Variants in SEMA6A observed in about 807,000 individuals in gnomAD.
SEMA6A encodes semaphorin 6A.
Under a neutral mutation model 96.8 loss-of-function variants are expected in SEMA6A, and 25 were observed. The ratio of observed to expected loss-of-function variants is 0.26; its 90% CI spans 0.19 to 0.36. The LOEUF is 0.36. Among genes scored for constraint, SEMA6A ranks in the 10% least tolerant of loss-of-function variants. The pLI is 1.00. For synonymous variants in SEMA6A, 612 were observed against 518.0 expected (o/e 1.18, Z -2.46); for missense variants, 1,363 against 1,323.1 (o/e 1.03, Z -0.47).
At chr5:116,494,695 A>C (rs1757496176) in intron 6 of SEMA6A, among the ~76,000 whole-genome samples, 1 of 152,190 alleles carries the variant, frequency 6.6e-6, no homozygotes, top group Non-Finnish European at 1.5e-5. Context: ...TTACAACCTC[A>C]GCGATGGGCC....
chr5:116,486,759 G>A lies in SEMA6A; in HGVS notation c.952C>T (p.Pro318Ser), dbSNP rs1183446004. Reference protein sequence around the residue: ...RDVVLATFSTPYNSIPGSAVC... With the variant: ...RDVVLATFSTSYNSIPGSAVC... Reference sequence around the variant, plus strand: ...CTAGGGCATGATTACCTGTTATAAGGTGTAGAAAACGTTGCCAGGACAACA... The same window carrying A: ...CTAGGGCATGATTACCTGTTATAAGATGTAGAAAACGTTGCCAGGACAACA... The change falls in exon 10 of 19, where the codon CCT becomes TCT. Residue 318 changes from proline to serine, a missense_variant. Physicochemically the swap from Pro to Ser is moderately conservative, Grantham distance 74. Coordinates refer to ENST00000343348, the MANE Select transcript of SEMA6A (RefSeq NM_020796.5). 2 of 1,613,296 alleles carry A rather than the reference G, an allele frequency of 1.2e-6. No individual in the cohort carries two copies. Among genetic ancestry groups the A allele is most frequent in the South Asian group, 1.1e-5 (1 of 91,076 alleles).
intron 1 of SEMA6A, among the ~76,000 whole-genome samples, chr5:116,558,401 G>C (rs1760687722): frequency 6.6e-6 from 1 of 151,788 alleles, no homozygotes; most frequent in African/African-American, 2.4e-5. Flanking sequence ...CCATCATCTA[G>C]GTTTTAAGCC....
chr5:116,481,033 G>T (rs1039550115), intron 11 of SEMA6A, among the ~76,000 whole-genome samples: 4 of 152,096 alleles, frequency 2.6e-5, no homozygotes, highest in African/African-American at 9.7e-5. Context: ...CAGAAGAGGA[G>T]ATTGGACCCT....
At chr5:116,491,630 C>A in intron 7 of SEMA6A, 110 bp downstream of exon 7, 1 of 797,988 alleles carries the variant, frequency 1.3e-6, no homozygotes, top group African/African-American at 1.7e-5. Flanking sequence ...ACAGTATTCA[C>A]CAGAGAATCA....
At chr5:116,469,665 C>G (rs984707572) in intron 17 of SEMA6A, 1 of 152,164 alleles carries the variant, frequency 6.6e-6, no homozygotes, top group Admixed American at 6.6e-5. Context: ...TAACTGTGTT[C>G]AAGAGGCAAT....
At chr5:116,455,716 C>T (rs1754968739) in intron 18 of SEMA6A, among the ~76,000 whole-genome samples, 1 of 152,086 alleles carries the variant, frequency 6.6e-6, no homozygotes, top group South Asian at 2.1e-4. Flanking sequence ...CTAAATCTTC[C>T]AACTTGAATT....
chr5:116,475,699 T>C, intron 15 of SEMA6A, 96 bp from the exon 16 acceptor site: 1 of 818,316 alleles, frequency 1.2e-6, no homozygotes. Flanking sequence ...TAACACAGTT[T>C]GATAAATTGA....
At chr5:116,522,369 A>G (rs1233102307) in intron 1 of SEMA6A, among the ~76,000 whole-genome samples, 1 of 152,216 alleles carries the variant, frequency 6.6e-6, no homozygotes, top group Admixed American at 6.5e-5. Context: ...GAAAGAAAAA[A>G]GGATTTTTCC....
At chr5:116,570,215 A>C (rs1220292408) in intron 1 of SEMA6A, among the ~76,000 whole-genome samples, 1 of 152,216 alleles carries the variant, frequency 6.6e-6, no homozygotes, top group South Asian at 2.1e-4. Context: ...CCCAAGAGGC[A>C]ACCATGTGGT....
At chr5:116,472,003 C>G (rs560020416) in intron 17 of SEMA6A, among the ~76,000 whole-genome samples, 2 of 151,974 alleles carry the variant, frequency 1.3e-5, no homozygotes, top group Non-Finnish European at 2.9e-5. Flanking sequence ...GATTATATAT[C>G]TTAAACACAC....
intron 1 of SEMA6A, among the ~76,000 whole-genome samples, chr5:116,538,968 A>G (rs1251813965): frequency 6.6e-6 from 1 of 152,072 alleles, no homozygotes; most frequent in African/African-American, 2.4e-5. Flanking sequence ...AAATTATTGG[A>G]GTTGGCATAT....
intron 16 of SEMA6A, among the ~76,000 whole-genome samples, chr5:116,473,611 G>C (rs1756286606): frequency 6.6e-6 from 1 of 152,146 alleles, no homozygotes; most frequent in African/African-American, 2.4e-5. Flanking sequence ...AACATATCTG[G>C]GTGTGTGCTG....
In SEMA6A at chr5:116,467,691, C is replaced by T. The variant is rs753293167; in HGVS notation, c.1786G>A (p.Gly596Arg). 1.9e-6 allele frequency: 3 copies of T among 1,613,802 alleles called. No homozygotes were observed. Among genetic ancestry groups the T allele is most frequent in the Admixed American group, 1.7e-5 (1 of 59,990 alleles). Residue 596 changes from glycine to arginine, a missense_variant, in exon 18 of 19, where the codon GGG becomes AGG. By Grantham distance (125) the Gly-to-Arg change is moderately radical. Around this residue, in one of 2 missense-constraint regions of SEMA6A, gnomAD observed 883 missense variants for 763.6 expected, o/e 1.16. Coordinates refer to ENST00000343348, the MANE Select transcript of SEMA6A (RefSeq NM_020796.5). ...TTTSDSTAQEGYESRGGMLDW... is the reference protein window; with the variant it reads ...TTTSDSTAQERYESRGGMLDW... ...AGCATTCCTCCCCTAGACTCATACCCCTCTTGAGCCGTCGAATCTGATGTG... is the reference window on the plus strand; with the variant it reads ...AGCATTCCTCCCCTAGACTCATACCTCTCTTGAGCCGTCGAATCTGATGTG...
chr5:116,499,457 A>G (rs1373673981), intron 3 of SEMA6A, among the ~76,000 whole-genome samples: 1 of 152,154 alleles, frequency 6.6e-6, no homozygotes, highest in African/African-American at 2.4e-5. Flanking sequence ...TTTAGCTTTA[A>G]ATCGTGTTAC....
intron 10 of SEMA6A, among the ~76,000 whole-genome samples, chr5:116,483,738 T>G (rs946883236): frequency 3.3e-5 from 5 of 152,170 alleles, no homozygotes; most frequent in Non-Finnish European, 7.4e-5. Flanking sequence ...AATTTATACA[T>G]GTACATATGT....
chr5:116,454,813 T>G (rs1425335265), intron 18 of SEMA6A, among the ~76,000 whole-genome samples: 3 of 148,248 alleles, frequency 2.0e-5, no homozygotes, highest in African/African-American at 7.4e-5. Flanking sequence ...TGTGTGTGCA[T>G]GTGTGTGTGC....
chr5:116,467,481 G>C, intron 18 of SEMA6A, 102 bp downstream of exon 18: 1 of 1,168,970 alleles, frequency 8.6e-7, no homozygotes, highest in Non-Finnish European at 1.2e-6. Flanking sequence ...CGCATTGGAG[G>C]TTCCTTAAAT....
At chr5:116,544,504 GC>G (rs1478347173) in intron 1 of SEMA6A, among the ~76,000 whole-genome samples, 1 of 150,646 alleles carries the variant, frequency 6.6e-6, no homozygotes, top group Admixed American at 6.6e-5. Flanking sequence ...TCATTATGTT[GC>G]CTAGGCTGGT....
chr5:116,489,410 G>T (rs770872537), intron 7 of SEMA6A, among the ~76,000 whole-genome samples: 1 of 152,064 alleles, frequency 6.6e-6, no homozygotes. Context: ...GATAGATGCT[G>T]ATTGTGTCCC....
Sources: allele counts gnomAD v4.1 joint callset (sites outside exome capture counted in the v4.1 genomes callset), GRCh38; gene constraint gnomAD v4.1.1; regional missense constraint gnomAD v4.1.1; transcripts MANE v1.5; gene names NCBI Gene and HGNC (gene_info 2026-07-23, HGNC 2026-07-21).